The following ITIH3 variants were observed in gnomAD, a reference collection of about 807,000 sequenced individuals.
The protein encoded by ITIH3 is inter-alpha-trypsin inhibitor heavy chain H3.
ITIH3 carries 81 observed loss-of-function variants against 96.5 expected under a neutral mutation model. The observed-to-expected ratio is 0.84, with a 90% CI of 0.70 to 1.01. The LOEUF (loss-of-function observed/expected upper bound fraction) is 1.01, where lower values mean the gene tolerates loss of function less well. Among genes scored for constraint, ITIH3 ranks in the 50% least tolerant of loss-of-function variants. The pLI is 0.00. For missense variants in ITIH3, 1,057 were observed against 1,139.3 expected, an observed-to-expected ratio of 0.93 and a Z score of 1.04; for synonymous variants, 422 against 445.2, an observed-to-expected ratio of 0.95 and a Z score of 0.66.
chr3:52,797,061 C>G, intron 4 of ITIH3, 44 bp from the exon 5 acceptor site: 1 of 1,585,288 alleles, frequency 6.3e-7, no homozygotes, highest in Non-Finnish European at 8.6e-7. Flanking sequence ...GAAGGGTGGG[C>G]TCCTGCAGTC....
rs1036675997 is a variant in ITIH3 at position 52,808,766 on chromosome 3, G to T, written c.*85G>T. The T allele has an allele frequency of 2.4e-5, 37 of 1,533,744 alleles. 1 individual carries two copies. Among genetic ancestry groups the T allele is most frequent in the Non-Finnish European group, 3.2e-5 (36 of 1,115,170 alleles). On this transcript the variant is annotated 3_prime_UTR_variant, in exon 22 of 22. Transcript: ENST00000449956. ...GGCACAGAGAGGGGCCTGTGGGAGG[G>T]GCTGGGAAAATAAAGTCCAAGGTCG...
chr3:52,804,833 G>T, intron 15 of ITIH3, 99 bp downstream of exon 15: 2 of 1,345,912 alleles, frequency 1.5e-6, no homozygotes, highest in Non-Finnish European at 2.1e-6. Context: ...CAGCCATGGG[G>T]GCACACTTGG....
intron 14 of ITIH3, chr3:52,804,352 G>T (rs1354502494): frequency 2.3e-6 from 1 of 437,140 alleles, no homozygotes; most frequent in African/African-American, 2.0e-5. Flanking sequence ...CCTGGAGCAG[G>T]CTATCAGGCA....
chr3:52,807,898 C>T lies in ITIH3; in HGVS notation c.2413C>T (p.Gln805Ter). Reference protein sequence around the residue: ...YVVDSHRMSAQTHGLLGQFFQ... With the variant: ...YVVDSHRMSA Reference sequence around the variant, plus strand: ...GGTGGACAGTCACCGGATGTCAGCACAGACGCATGGGCTGCTGGGTACGAA... The same window carrying T: ...GGTGGACAGTCACCGGATGTCAGCATAGACGCATGGGCTGCTGGGTACGAA... The change falls in exon 20 of 22, where the codon CAG (glutamine) becomes TAG (stop). Residue 805 changes from glutamine to a stop codon, truncating the protein, a stop_gained. Coordinates refer to ENST00000449956, the MANE Select transcript of ITIH3 (RefSeq NM_002217.4). LOFTEE classifies it high-confidence loss of function. The T allele has an allele frequency of 6.2e-7, 1 of 1,612,740 alleles. No individual in the cohort carries two copies. Among genetic ancestry groups the T allele is most frequent in the Non-Finnish European group, 8.5e-7 (1 of 1,179,372 alleles).
Position 52,805,825 on chromosome 3 carries a change from G to A in ITIH3, c.1891G>A (p.Ala631Thr), listed in dbSNP as rs747623968. The A allele has an allele frequency of 1.2e-5, 20 of 1,613,668 alleles. No individual in the cohort carries two copies. In the Admixed American group the frequency reaches 1.7e-4, roughly 13 times the overall value. ...CTTTTCAGCCACACCGGTGAGCCCC[G>A]CCATGTCCTACCTGAGTGAGTACAT... ...EDAEATPVSP[A>T]MSYLTSYQPP... is the part of the protein sequence containing the mutation. Residue 631 changes from alanine (A) to threonine (T), a missense_variant, in exon 16 of 22, where the codon GCC becomes ACC. Transcript: ENST00000449956.
rs938939415 is a variant in ITIH3, at chr3:52,807,919, A to G, written c.2431+3A>G. 2 of 1,612,346 alleles carry G rather than the reference A, an allele frequency of 1.2e-6. No individual in the cohort carries two copies. The highest frequency in any genetic ancestry group is 4.5e-5 in the East Asian group (2 of 44,846). ...AGCACAGACGCATGGGCTGCTGGGT[A>G]CGAAGTGTTCAGACTGCAGGCTGTT... On this transcript the variant is annotated splice_donor_region_variant and intron_variant, in intron 20 of 21. Coordinates refer to ENST00000449956, the MANE Select transcript of ITIH3 (RefSeq NM_002217.4).
chr3:52,807,205 G>A (rs1700090128), intron 19 of ITIH3, 100 bp downstream of exon 19: 14 of 1,046,024 alleles, frequency 1.3e-5, no homozygotes, highest in Non-Finnish European at 1.7e-5. Context: ...GATCCATGGG[G>A]GTCACAGGAA....
intron 2 of ITIH3, 196 bp downstream of exon 2, chr3:52,795,819 C>T (rs1699559655): frequency 1.1e-5 from 6 of 566,168 alleles, no homozygotes; most frequent in Admixed American, 3.2e-5. Flanking sequence ...CCTCCAACCT[C>T]GCAGGATGTA....
chr3:52,798,501 C>G (rs1444931665), intron 6 of ITIH3: 1 of 182,378 alleles, frequency 5.5e-6, no homozygotes, highest in Non-Finnish European at 1.2e-5. Context: ...CCTCCTCCTC[C>G]CCTTTCTCCT....
Position 52,806,920 on chromosome 3 carries a change from G to T in ITIH3, c.2076G>T (p.Gln692His). Residue 692 changes from glutamine to histidine, a missense_variant, in exon 19 of 22, where the codon CAG becomes CAT. Gln to His is a conservative substitution (Grantham distance 24). Coordinates refer to ENST00000449956, the MANE Select transcript of ITIH3 (RefSeq NM_002217.4). ...TGGCAGGCCTCACAGTTAATGGGCA[G>T]ATCACTGGCGACAAGAGAGGCAGCC... ...DAVTGLTVNGQITGDKRGSPD... is the reference protein window; with the variant it reads ...DAVTGLTVNGHITGDKRGSPD... 5.0e-6 allele frequency: 8 copies of T among 1,588,168 alleles called. No individual in the cohort carries two copies. Among genetic ancestry groups the T allele is most frequent in the Non-Finnish European group, 6.9e-6 (8 of 1,167,104 alleles).
intron 13 of ITIH3, among the ~76,000 whole-genome samples, chr3:52,803,266 T>TTTTA (rs146326248): frequency 0.022 from 3,137 of 142,592 alleles, 46 homozygotes; most frequent in South Asian, 0.05. Context: ...TAGCCCCTTA[T>TTTTA]TTTATTTATT....
At position 52,807,813 on chromosome 3, in the gene ITIH3, C is replaced by T. The variant is rs376164287; in HGVS notation, c.2328C>T (p.Val776=). The T allele has an allele frequency of 5.0e-6, 8 of 1,611,820 alleles. No homozygotes were observed. Among genetic ancestry groups the T allele is most frequent in the African/African-American group, 2.7e-5 (2 of 74,860 alleles). The part of the protein sequence containing the change: ...VSFGDGVTFV[V]VLHQVWKKHP... Reference sequence around the variant, plus strand: ...TTGGAGATGGGGTTACCTTCGTGGTCGTCCTACACCAGGTGTGGAAGAAAC... The same window carrying T: ...TTGGAGATGGGGTTACCTTCGTGGTTGTCCTACACCAGGTGTGGAAGAAAC... The change falls in exon 20 of 22, where the codon GTC becomes GTT. Residue 776 remains valine, a synonymous_variant. Coordinates refer to ENST00000449956, the MANE Select transcript of ITIH3 (RefSeq NM_002217.4).
chr3:52,808,011 A>G, intron 20 of ITIH3, 95 bp downstream of exon 20: 2 of 1,572,746 alleles, frequency 1.3e-6, no homozygotes, highest in Non-Finnish European at 1.7e-6. Flanking sequence ...CCCAGCTCAC[A>G]ACACCCCATT....
rs376809738 is a variant in ITIH3, at chr3:52,808,542, C to A, written c.2544-10C>A. ...CCCCGTGTATTGCAGCATCTCTCTT[C>A]TTTCCCCAGGGGCTCCCAGAAAGAC... On this transcript the variant is annotated splice_polypyrimidine_tract_variant and intron_variant, in intron 21 of 21. Coordinates refer to ENST00000449956, the MANE Select transcript of ITIH3 (RefSeq NM_002217.4). The A allele has an allele frequency of 1.8e-4, 297 of 1,612,474 alleles. No individual in the cohort carries two copies. Among genetic ancestry groups the A allele is most frequent in the Non-Finnish European group, 2.3e-4 (275 of 1,178,726 alleles).
rs367613194 is a variant in ITIH3 at position 52,808,716 on chromosome 3, C to T, written c.*35C>T. 8.3e-5 allele frequency: 132 copies of T among 1,587,680 alleles called. 1 individual carries two copies. The South Asian group carries it at 8.6e-4, about 10-fold the overall frequency. ...CCAGCTCCTGTTGGGATGGATGGCCCGGATTTTATGGCATCTGGAACATGG... is the reference window on the plus strand; with the variant it reads ...CCAGCTCCTGTTGGGATGGATGGCCTGGATTTTATGGCATCTGGAACATGG... On this transcript the variant is annotated 3_prime_UTR_variant, in exon 22 of 22. Transcript: ENST00000449956.
chr3:52,799,302 T>C lies in ITIH3; in HGVS notation c.790-70T>C, dbSNP rs550666916. On this transcript the variant is annotated intron_variant, in intron 7 of 21. Transcript: ENST00000449956. ...CTTGGGCTGGTAAATGTCTGGCTTCTACCTGCAAGAATAGTCAATGTGGTG... is the reference window on the plus strand; with the variant it reads ...CTTGGGCTGGTAAATGTCTGGCTTCCACCTGCAAGAATAGTCAATGTGGTG... The C allele has an allele frequency of 3.1e-6, 4 of 1,286,176 alleles. No individual in the cohort carries two copies. The East Asian group carries it at 7.2e-5, about 23-fold the overall frequency. 79.7% of individuals were successfully genotyped at this position (1,286,176 alleles called of 1,614,324 possible). A position where few individuals can be genotyped will look rare whatever the true frequency, so the allele number is the denominator to read the frequency against.
chr3:52,804,262 G>A (rs1443455821), intron 14 of ITIH3: 5 of 534,378 alleles, frequency 9.4e-6, no homozygotes, highest in Non-Finnish European at 1.7e-5. Context: ...ACTGCCCATG[G>A]GGCATTTCAA....
rs1304860253 is a variant in ITIH3, at chr3:52,807,831, G to A, written c.2346G>A (p.Trp782Ter). 6.2e-7 allele frequency: 1 copy of A among 1,611,584 alleles called. No homozygotes were observed. Among genetic ancestry groups the A allele is most frequent in the Non-Finnish European group, 8.5e-7 (1 of 1,178,884 alleles). Residue 782 changes from tryptophan to a stop codon, truncating the protein, a stop_gained, in exon 20 of 22, where the codon TGG becomes TGA. Transcript: ENST00000449956. LOFTEE classifies it high-confidence loss of function. ...TCGTGGTCGTCCTACACCAGGTGTG[G>A]AAGAAACATCCTGTCCACCGTGACT... ...VTFVVVLHQVWKKHPVHRDFL... is the reference protein window; with the variant it reads ...VTFVVVLHQV
intron 1 of ITIH3, among the ~76,000 whole-genome samples, chr3:52,795,231 G>T (rs1011165169): frequency 1.3e-5 from 2 of 152,238 alleles, no homozygotes; most frequent in African/African-American, 4.8e-5. Flanking sequence ...AGCCCTGCGG[G>T]GTGTGGCGGG....
Sources: gnomAD v4.1 joint callset for allele counts (sites outside exome capture counted in the v4.1 genomes callset) on GRCh38, gnomAD v4.1.1 for gene constraint, MANE v1.5 for transcripts, NCBI Gene and HGNC (gene_info 2026-07-23, HGNC 2026-07-21) for gene names.